MAGI2: variants seen among roughly 807,000 people sequenced by gnomAD.
MAGI2 encodes membrane-associated guanylate kinase, WW and PDZ domain-containing protein 2.
Under a neutral mutation model 133.3 loss-of-function variants are expected in MAGI2, and 35 were observed. The ratio of observed to expected loss-of-function variants is 0.26; its 90% CI spans 0.20 to 0.35. MAGI2 has a LOEUF of 0.35. Ranked by LOEUF, MAGI2 falls within the 10% of genes least tolerant of loss-of-function variation. The pLI is 1.00. For synonymous variants in MAGI2, 729 were observed against 710.6 expected (o/e 1.03, Z -0.41); for missense variants, 1,636 against 1,863.4 (o/e 0.88, Z 2.25).
chr7:79,407,342 A>G (rs1383790847), intron 1 of MAGI2, among the ~76,000 whole-genome samples: 1 of 152,088 alleles, frequency 6.6e-6, no homozygotes, highest in Non-Finnish European at 1.5e-5. Flanking sequence ...ATTCTTACAA[A>G]CCCTGAAAGA....
chr7:78,992,958 G>A (rs182932702), intron 2 of MAGI2, among the ~76,000 whole-genome samples: 2 of 151,990 alleles, frequency 1.3e-5, no homozygotes, highest in East Asian at 3.9e-4. Flanking sequence ...TTTAAATTAT[G>A]TTCTGAAAGC....
At position 78,018,143 on chromosome 7, in the gene MAGI2, A is replaced by T. The variant is rs911148372; in HGVS notation, c.*1172T>A. 1 of 152,360 alleles carries T rather than the reference A, an allele frequency of 6.6e-6. No homozygotes were observed. The highest frequency in any genetic ancestry group is 1.5e-5 in the Non-Finnish European group (1 of 68,048). The allele number at this position is 152,360 out of a possible 1,614,324, so 9.4% of individuals were successfully genotyped here. ...TTGCTAACAAAATAAAGTGGCAAGG[A>T]ATACAAGACGAAAGAAAACTAATGG... On this transcript the variant is annotated 3_prime_UTR_variant, in exon 22 of 22. Transcript: ENST00000354212.
intron 1 of MAGI2, among the ~76,000 whole-genome samples, chr7:79,215,599 G>C (rs974744611): frequency 6.6e-6 from 1 of 151,870 alleles, no homozygotes; most frequent in Non-Finnish European, 1.5e-5. Flanking sequence ...TTCCCAATCA[G>C]AAAATCTTTG....
intron 1 of MAGI2, among the ~76,000 whole-genome samples, chr7:79,010,096 TGTATATATACACATA>T (rs1262641716): frequency 2.6e-5 from 4 of 152,084 alleles, no homozygotes; most frequent in Non-Finnish European, 1.5e-5. Flanking sequence ...TTTTTGTGTA[TGTATATATACACATA>T]TATACACATA....
At position 78,441,385 on chromosome 7, in the gene MAGI2, A is replaced by T. The variant is rs2151458915; in HGVS notation, c.1045+48376T>A. Among the ~76,000 whole-genome samples the T allele has an allele frequency of 2.0e-5, 3 of 152,354 alleles. 1 individual carries two copies. Among genetic ancestry groups the T allele is most frequent in the Middle Eastern group, 6.8e-3 (2 of 294 alleles). On this transcript the variant is annotated intron_variant, in intron 6 of 21. Coordinates refer to ENST00000354212, the MANE Select transcript of MAGI2 (RefSeq NM_012301.4). ...GTAAAGCAGAGAAAAGGGTTACATT[A>T]TCAGAATAACTTCAATTATTAAAAA...
chr7:78,080,250 T>C (rs1815804810), intron 20 of MAGI2, among the ~76,000 whole-genome samples: 2 of 152,018 alleles, frequency 1.3e-5, no homozygotes, highest in African/African-American at 4.8e-5. Context: ...GTGGTAAGGG[T>C]TCCACTGTAA....
At chr7:79,259,652 T>C (rs1585353758) in intron 1 of MAGI2, among the ~76,000 whole-genome samples, 2 of 152,214 alleles carry the variant, frequency 1.3e-5, no homozygotes, top group Admixed American at 6.5e-5. Flanking sequence ...TTATAAGTTA[T>C]AAATTTGGGG....
intron 2 of MAGI2, among the ~76,000 whole-genome samples, chr7:78,796,481 A>G (rs925544711): frequency 6.6e-6 from 1 of 152,158 alleles, no homozygotes; most frequent in Admixed American, 6.5e-5. Context: ...AAAGACAAAA[A>G]ATAGCCAATG....
At chr7:79,141,761 G>A (rs1184963079) in intron 1 of MAGI2, among the ~76,000 whole-genome samples, 3 of 149,194 alleles carry the variant, frequency 2.0e-5, no homozygotes, top group East Asian at 2.0e-4. Context: ...TTTTTTTTTC[G>A]CAGATCTGGA....
At chr7:78,366,787 C>T (rs528074238) in intron 7 of MAGI2, among the ~76,000 whole-genome samples, 1 of 152,194 alleles carries the variant, frequency 6.6e-6, no homozygotes, top group South Asian at 2.1e-4. Context: ...TTATTTGTCT[C>T]AGTTTTCTGT....
chr7:78,555,245 G>C (rs1584614949), intron 3 of MAGI2, among the ~76,000 whole-genome samples: 1 of 151,510 alleles, frequency 6.6e-6, no homozygotes, highest in African/African-American at 2.4e-5. Flanking sequence ...TAGATAGATA[G>C]ATAGGTTTAA....
chr7:78,826,163 T>C (rs940613554), intron 2 of MAGI2, among the ~76,000 whole-genome samples: 1 of 151,778 alleles, frequency 6.6e-6, no homozygotes, highest in African/African-American at 2.4e-5. Context: ...CCATCCTGCC[T>C]AACACGGTGA....
intron 1 of MAGI2, among the ~76,000 whole-genome samples, chr7:79,102,321 C>T (rs930653757): frequency 4.6e-5 from 7 of 152,034 alleles, no homozygotes; most frequent in African/African-American, 7.2e-5. Context: ...GCTAAATCTC[C>T]GCATATATAT....
intron 2 of MAGI2, among the ~76,000 whole-genome samples, chr7:78,875,625 A>G (rs1325511990): frequency 6.6e-6 from 1 of 152,212 alleles, no homozygotes; most frequent in African/African-American, 2.4e-5. Context: ...TGATTCTACA[A>G]ATGACAAAAC....
At chr7:78,659,424 C>CAAAAAAAAAAAAAAAAAAA (rs71085553) in intron 2 of MAGI2, among the ~76,000 whole-genome samples, 7 of 23,680 alleles carry the variant, frequency 3.0e-4, no homozygotes, top group African/African-American at 3.6e-4. Context: ...GACTTCATCT[C>CAAAAAAAAAAAAAAAAAAA]AAAAAAAAAA....
At position 79,324,628 on chromosome 7, in the gene MAGI2, AT is replaced by A. The variant is rs1839497215; in HGVS notation, c.301+128391del. On this transcript the variant is annotated intron_variant, in intron 1 of 21. Coordinates refer to ENST00000354212, the MANE Select transcript of MAGI2 (RefSeq NM_012301.4). The stretch of plus-strand genomic sequence containing the variant: ...TATAAAAAATATATATAATATATAT[AT>A]TATATATATATAAAATATATATATA... Among the ~76,000 whole-genome samples, 3 of 60,316 alleles carry A rather than the reference AT, an allele frequency of 5.0e-5. 1 individual carries two copies. The highest frequency in any genetic ancestry group is 2.3e-4 in the Admixed American group (1 of 4,382). 39.6% of individuals were successfully genotyped at this position (60,316 alleles called of 152,430 possible). A position where few individuals can be genotyped will look rare whatever the true frequency, so the allele number is the denominator to read the frequency against.
At chr7:78,195,167 A>G in intron 11 of MAGI2, 104 bp from the exon 12 acceptor site, 1 of 860,338 alleles carries the variant, frequency 1.2e-6, no homozygotes, top group South Asian at 2.2e-5. Flanking sequence ...CTTTTCTTCC[A>G]GGGGATGGGT....
chr7:79,080,581 T>A (rs933194438), intron 1 of MAGI2, among the ~76,000 whole-genome samples: 1 of 152,154 alleles, frequency 6.6e-6, no homozygotes, highest in African/African-American at 2.4e-5. Flanking sequence ...ATATCTTCTC[T>A]GTGCAATATG....
chr7:78,156,981 A>T (rs1824459047), intron 16 of MAGI2, among the ~76,000 whole-genome samples: 1 of 152,260 alleles, frequency 6.6e-6, no homozygotes. Flanking sequence ...AACCTCGGTC[A>T]GTCTCAGAGA....
Sources: allele counts gnomAD v4.1 joint callset (sites outside exome capture counted in the v4.1 genomes callset), GRCh38; gene constraint gnomAD v4.1.1; transcripts MANE v1.5; gene names NCBI Gene and HGNC (gene_info 2026-07-23, HGNC 2026-07-21).